DPP6: variants seen among roughly 807,000 people sequenced by gnomAD.
DPP6 encodes the protein dipeptidyl peptidase like 6.
Under a neutral mutation model 122.6 loss-of-function variants are expected in DPP6, and 69 were observed. The ratio of observed to expected loss-of-function variants is 0.56; its 90% confidence interval spans 0.46 to 0.69. DPP6 has a LOEUF of 0.69. Ranked by LOEUF, DPP6 falls within the 30% of genes least tolerant of loss-of-function variation. The pLI, the probability that DPP6 is intolerant of heterozygous loss-of-function variation, is 0.00. For missense variants in DPP6, 928 were observed against 1,116.9 expected (o/e 0.83, Z 2.41); for synonymous variants, 418 against 433.1 (o/e 0.97, Z 0.43).
At chr7:154,787,534 C>A (rs560355775) in intron 10 of DPP6, among the ~76,000 whole-genome samples, 1 of 152,322 alleles carries the variant, frequency 6.6e-6, no homozygotes, top group African/African-American at 2.4e-5. Context: ...AAAAATAAAT[C>A]CCCTGTCCCT....
chr7:154,321,715 G>T (rs1585932129), intron 1 of DPP6, among the ~76,000 whole-genome samples: 1 of 149,986 alleles, frequency 6.7e-6, no homozygotes, highest in Non-Finnish European at 1.5e-5. Flanking sequence ...AACCCAGAAG[G>T]CGGAGGTTGC....
intron 2 of DPP6, among the ~76,000 whole-genome samples, chr7:154,468,564 C>T (rs923088216): frequency 3.9e-5 from 6 of 152,126 alleles, no homozygotes; most frequent in South Asian, 2.1e-4. Flanking sequence ...GTGCCTAATG[C>T]GGTAACTCAC....
the DPP6 span, among the ~76,000 whole-genome samples, chr7:153,823,065 A>G: frequency 2.0e-4 from 30 of 151,932 alleles, 1 homozygote; most frequent in Admixed American, 1.4e-3. Context: ...TGCTGAATTT[A>G]ATAGTCCTTA....
chr7:154,662,988 T>C (rs1448065458), intron 6 of DPP6, among the ~76,000 whole-genome samples: 24 of 46,906 alleles, frequency 5.1e-4, no homozygotes, highest in East Asian at 1.2e-3. Flanking sequence ...ATCACCATGG[T>C]GTGTTGGCCC....
the DPP6 span, among the ~76,000 whole-genome samples, chr7:153,811,097 C>T: frequency 3.3e-5 from 5 of 151,872 alleles, no homozygotes; most frequent in Admixed American, 6.6e-5. Flanking sequence ...CCCAGAATGA[C>T]GGATGAGTCA....
intron 1 of DPP6, among the ~76,000 whole-genome samples, chr7:154,158,420 T>G (rs1796803724): frequency 6.6e-6 from 1 of 151,780 alleles, no homozygotes; most frequent in Admixed American, 6.6e-5. Flanking sequence ...TAAATTTGGC[T>G]ACCATTCATT....
intron 1 of DPP6, among the ~76,000 whole-genome samples, chr7:153,906,769 G>T (rs868192706): frequency 6.6e-6 from 1 of 152,120 alleles, no homozygotes; most frequent in Admixed American, 6.5e-5. Flanking sequence ...TTAACTTTTT[G>T]TTGTCGAGCA....
At chr7:154,634,112 T>C (rs1196918793) in intron 5 of DPP6, among the ~76,000 whole-genome samples, 1 of 151,050 alleles carries the variant, frequency 6.6e-6, no homozygotes, top group African/African-American at 2.4e-5. Flanking sequence ...GCTGCACCCA[T>C]TAACTTGTCA....
the DPP6 span, among the ~76,000 whole-genome samples, chr7:153,810,889 C>T: frequency 6.6e-6 from 1 of 152,062 alleles, no homozygotes; most frequent in African/African-American, 2.4e-5. Context: ...CAAATCACAC[C>T]ATATAAATGT....
chr7:154,425,592 T>G (rs1817814917), intron 1 of DPP6, among the ~76,000 whole-genome samples: 1 of 104,102 alleles, frequency 9.6e-6, no homozygotes, highest in African/African-American at 3.0e-5. Flanking sequence ...ATAGGTTAGT[T>G]TGGGGAAAAA....
intron 6 of DPP6, among the ~76,000 whole-genome samples, chr7:154,643,555 G>A (rs10227051): frequency 0.15 from 22,128 of 145,870 alleles, 1,907 homozygotes; most frequent in African/African-American, 0.25. Context: ...TGCAACCTCC[G>A]CCCCCCAGGT....
At chr7:153,805,196 C>G in the DPP6 span, among the ~76,000 whole-genome samples, 3 of 152,120 alleles carry the variant, frequency 2.0e-5, no homozygotes, top group African/African-American at 7.2e-5. Context: ...AATGTTGTTT[C>G]TTTTTCATTG....
rs397833640 is a variant in DPP6, at chr7:154,044,942, T to C, written c.51+157208T>C. ...AGTTCTGCAGAGTTCTTCTGCCAAA[T>C]TGCATATGTTCTGGCAAGATGGGAA... On this transcript the variant is annotated intron_variant, in intron 1 of 25. Coordinates refer to the DPP6 transcript ENST00000404039. 8.5e-5 allele frequency among the ~76,000 whole-genome samples: 13 copies of C among 152,234 alleles called. No individual in the cohort carries two copies. The South Asian group carries it at 1.9e-3, about 22-fold the overall frequency.
intron 7 of DPP6, among the ~76,000 whole-genome samples, chr7:154,690,757 C>A (rs1354611946): frequency 2.0e-5 from 3 of 152,108 alleles, no homozygotes; most frequent in African/African-American, 7.2e-5. Flanking sequence ...GCCTGATTTG[C>A]AATAGGGAAA....
intron 1 of DPP6, among the ~76,000 whole-genome samples, chr7:154,198,601 A>G (rs1355212930): frequency 6.6e-6 from 1 of 152,218 alleles, no homozygotes; most frequent in East Asian, 1.9e-4. Flanking sequence ...GGCGTGAGCC[A>G]CTGCACCCGG....
At chr7:153,884,193 A>G (rs1798832830), upstream of DPP6, among the ~76,000 whole-genome samples, 1 of 151,996 alleles carries the variant, frequency 6.6e-6, no homozygotes, top group African/African-American at 2.4e-5. Flanking sequence ...CCAGTGTGTG[A>G]TGTTCCCCTT....
chr7:154,273,794 G>A (rs1394117869), intron 1 of DPP6, among the ~76,000 whole-genome samples: 3 of 152,206 alleles, frequency 2.0e-5, no homozygotes, highest in African/African-American at 7.2e-5. Flanking sequence ...ACTGGCACAA[G>A]CAAAGAAACA....
chr7:154,242,885 AT>A (rs775343434), intron 1 of DPP6, among the ~76,000 whole-genome samples: 196 of 152,346 alleles, frequency 1.3e-3, no homozygotes, highest in Middle Eastern at 3.4e-3. Context: ...CTGGGAATGA[AT>A]GAAGGCATTA....
chr7:154,628,251 C>T (rs1403873691), intron 5 of DPP6, among the ~76,000 whole-genome samples: 1 of 152,194 alleles, frequency 6.6e-6, no homozygotes, highest in Non-Finnish European at 1.5e-5. Flanking sequence ...GTTCTGAAAT[C>T]TATTTCCTTC....
Sources: gnomAD v4.1 joint callset for allele counts (sites outside exome capture counted in the v4.1 genomes callset) on GRCh38, gnomAD v4.1.1 for gene constraint, MANE v1.5 for transcripts, NCBI Gene and HGNC (gene_info 2026-07-23, HGNC 2026-07-21) for gene names.